The following PRKCZ variants were observed in gnomAD, a reference collection of about 807,000 sequenced individuals.
PRKCZ encodes protein kinase C zeta, also known as protein kinase C zeta type.
In PRKCZ, 33 loss-of-function variants were observed where a neutral mutation model predicts 79.5. The observed-to-expected ratio is 0.41, with a 90% CI of 0.31 to 0.55. PRKCZ has a LOEUF of 0.55. Among genes scored for constraint, PRKCZ ranks in the 20% least tolerant of loss-of-function variants. PRKCZ has a pLI of 0.19. For synonymous variants in PRKCZ, 342 were observed against 320.9 expected (o/e 1.07, Z -0.70); for missense variants, 578 against 813.5 (o/e 0.71, Z 3.52).
At chr1:2,169,494 C>T (rs752259931) in intron 10 of PRKCZ, 24 bp from the exon 11 acceptor site, 1 of 1,546,584 alleles carries the variant, frequency 6.5e-7, no homozygotes, top group Admixed American at 2.0e-5. Context: ...GTGACTGCAG[C>T]CTCCGGCGCC....
rs568237599 is a variant in PRKCZ at position 2,094,805 on chromosome 1, G to A, written c.334+35214G>A. Among the ~76,000 whole-genome samples the A allele has an allele frequency of 3.3e-5, 5 of 152,308 alleles. No homozygotes were observed. Among genetic ancestry groups the A allele is most frequent in the South Asian group, 2.1e-4 (1 of 4,830 alleles). Reference sequence around the variant, plus strand: ...TGAGGCGTCTGCTGTGGCCCTTACCGTCTGGCTTCTCTGCTGGCTCTTTTG... The same window carrying A: ...TGAGGCGTCTGCTGTGGCCCTTACCATCTGGCTTCTCTGCTGGCTCTTTTG... On this transcript the variant is annotated intron_variant, in intron 4 of 17. Coordinates refer to ENST00000378567, the MANE Select transcript of PRKCZ (RefSeq NM_002744.6). This position sits in a 1 kb window ranked among gnomAD's most constrained non-coding sequence, Gnocchi z 7.3.
chr1:2,106,818 G>A (rs866335103), intron 4 of PRKCZ, among the ~76,000 whole-genome samples: 5 of 111,332 alleles, frequency 4.5e-5, no homozygotes, highest in African/African-American at 1.6e-4. Context: ...AGGCCCCTCT[G>A]GTGGGCGAGG....
At chr1:2,157,995 A>G (rs2103315975) in intron 10 of PRKCZ, among the ~76,000 whole-genome samples, 1 of 152,298 alleles carries the variant, frequency 6.6e-6, no homozygotes, top group South Asian at 2.1e-4. Flanking sequence ...TTAGCTGTAC[A>G]TCTGGCGACT....
intron 6 of PRKCZ, among the ~76,000 whole-genome samples, chr1:2,145,768 T>C (rs1318550291): frequency 6.6e-6 from 1 of 151,876 alleles, no homozygotes; most frequent in Admixed American, 6.6e-5. Context: ...ATACAAAAAT[T>C]AGCCAGGCAT....
At chr1:2,130,263 C>A (rs781309354) in intron 4 of PRKCZ, among the ~76,000 whole-genome samples, 1 of 152,218 alleles carries the variant, frequency 6.6e-6, no homozygotes, top group Non-Finnish European at 1.5e-5. Flanking sequence ...TTATAACTCA[C>A]CTGGTCCCTG....
At chr1:2,123,663 TGGTGGTTAGGGTCACGGC>T in intron 4 of PRKCZ, among the ~76,000 whole-genome samples, 1 of 7,252 alleles carries the variant, frequency 1.4e-4, no homozygotes, top group Non-Finnish European at 2.2e-4. Context: ...AGGGTCACGG[TGGTGGTTAGGGTCACGGC>T]GGTGGTTAGG....
intron 9 of PRKCZ, among the ~76,000 whole-genome samples, chr1:2,155,698 G>A (rs1337971713): frequency 6.6e-6 from 1 of 151,190 alleles, no homozygotes; most frequent in Non-Finnish European, 1.5e-5. Flanking sequence ...TGACAATGAT[G>A]ACGGTAATGG....
chr1:2,070,239 C>T (rs1661456209), intron 4 of PRKCZ, among the ~76,000 whole-genome samples: 1 of 152,048 alleles, frequency 6.6e-6, no homozygotes, highest in Non-Finnish European at 1.5e-5. Context: ...CTCCAGCCTG[C>T]ACCCTGGGGA....
chr1:2,088,149 C>T (rs904281707), intron 4 of PRKCZ, among the ~76,000 whole-genome samples: 18 of 152,252 alleles, frequency 1.2e-4, no homozygotes, highest in African/African-American at 3.4e-4. Flanking sequence ...TTTAAGGAGG[C>T]CACTCAGCAG....
chr1:2,163,954 A>G (rs958620280), intron 10 of PRKCZ, among the ~76,000 whole-genome samples: 2 of 151,782 alleles, frequency 1.3e-5, no homozygotes, highest in African/African-American at 4.8e-5. Context: ...CCTCCTTGCC[A>G]TTTGTGGAGA....
At position 2,082,479 on chromosome 1, in the gene PRKCZ, C is replaced by A; in HGVS notation, c.334+22888C>A. On this transcript the variant is annotated intron_variant, in intron 4 of 17. Coordinates refer to ENST00000378567, the MANE Select transcript of PRKCZ (RefSeq NM_002744.6). This position sits in a 1 kb window ranked among gnomAD's most constrained non-coding sequence, Gnocchi z 4.4. ...TCATTCTGTGAGTGTAAGATCACGTCCGCGTTCCTAGCGACCGGTTTTGTG... is the reference window on the plus strand; with the variant it reads ...TCATTCTGTGAGTGTAAGATCACGTACGCGTTCCTAGCGACCGGTTTTGTG... 2.2e-6 allele frequency: 1 copy of A among 452,234 alleles called. No homozygotes were observed. 28.0% of individuals were successfully genotyped at this position (452,234 alleles called of 1,614,324 possible).
At chr1:2,062,045 C>T (rs1025518366) in intron 4 of PRKCZ, among the ~76,000 whole-genome samples, 6 of 152,152 alleles carry the variant, frequency 3.9e-5, no homozygotes, top group African/African-American at 1.4e-4. Context: ...GGCAGGACTG[C>T]GGCTGTACCG....
In PRKCZ at chr1:2,050,760, C is replaced by T. The variant is rs868390754; in HGVS notation, c.71+59C>T. On this transcript the variant is annotated intron_variant, in intron 1 of 17. Transcript: ENST00000378567. ...TGAGGCAGGGAGGGCGGGGAGGGCT[C>T]AGCCGTCGGGGCTCCTGCGCGAGAG... The T allele has an allele frequency of 3.1e-6, 3 of 965,042 alleles. No individual in the cohort carries two copies. In the African/African-American group the frequency reaches 5.1e-5, roughly 16 times the overall value. The allele number at this position is 965,042 out of a possible 1,614,324, so 59.8% of individuals were successfully genotyped here.
chr1:2,184,483 T>G (rs928521964), intron 16 of PRKCZ, 100 bp from the exon 17 acceptor site: 1 of 814,954 alleles, frequency 1.2e-6, no homozygotes, highest in South Asian at 1.7e-5. Flanking sequence ...ATGCTGACTT[T>G]CTCACTGTTT....
intron 5 of PRKCZ, chr1:2,141,899 A>T (rs1362394759): frequency 3.1e-6 from 1 of 325,998 alleles, no homozygotes; most frequent in Non-Finnish European, 5.9e-6. Flanking sequence ...GGGTCCAGGC[A>T]TCCAGCAGCC....
In PRKCZ at chr1:2,147,138, G is replaced by A. The variant is rs12071528; in HGVS notation, c.634+1030G>A. 4.4e-3 allele frequency among the ~76,000 whole-genome samples: 655 copies of A among 150,222 alleles called. 5 individuals are homozygous for A. The highest frequency in any genetic ancestry group is 0.015 in the African/African-American group (614 of 40,652). On this transcript the variant is annotated intron_variant, in intron 7 of 17. Coordinates refer to ENST00000378567, the MANE Select transcript of PRKCZ (RefSeq NM_002744.6). The stretch of plus-strand genomic sequence containing the variant: ...TGACCTCTCCATCTATCCATCTATT[G>A]TCCACTGACCTCTCCGTCTATCCGT...
chr1:2,054,569 T>A (rs1422609645), intron 1 of PRKCZ, among the ~76,000 whole-genome samples: 1 of 150,834 alleles, frequency 6.6e-6, no homozygotes, highest in African/African-American at 2.5e-5. Flanking sequence ...TGACTCGGTT[T>A]TAAAAAAAAA....
At chr1:2,150,397 T>TCCCCTG (rs1014572560) in intron 8 of PRKCZ, among the ~76,000 whole-genome samples, 8 of 152,194 alleles carry the variant, frequency 5.3e-5, no homozygotes, top group African/African-American at 1.9e-4. Flanking sequence ...TTACCTTCCT[T>TCCCCTG]CCCCTGAGGG....
intron 1 of PRKCZ, among the ~76,000 whole-genome samples, chr1:2,055,238 G>T (rs1467638341): frequency 6.8e-6 from 1 of 146,930 alleles, no homozygotes. Flanking sequence ...CACTGTGCTT[G>T]GCAATGGTGG....
Sources: allele counts gnomAD v4.1 joint callset (sites outside exome capture counted in the v4.1 genomes callset), GRCh38; gene constraint gnomAD v4.1.1; non-coding constraint Gnocchi (gnomAD v3.1); transcripts MANE v1.5; gene names NCBI Gene and HGNC (gene_info 2026-07-23, HGNC 2026-07-21).